The following FLNB variants were observed in gnomAD, a reference collection of about 807,000 sequenced individuals.
FLNB encodes filamin-B.
FLNB carries 111 observed loss-of-function variants against 250.6 expected under a neutral mutation model. That is an observed-to-expected ratio of 0.44 (90% CI 0.38 to 0.52). FLNB has a LOEUF of 0.52. FLNB is among the 20% of genes least tolerant of loss of function. The pLI, the probability that FLNB is intolerant of heterozygous loss-of-function variation, is 0.00. For synonymous variants in FLNB, 1,302 were observed against 1,372.1 expected (o/e 0.95, Z 1.13); for missense variants, 2,869 against 3,447.8 (o/e 0.83, Z 4.20).
At chr3:58,100,373 A>ATATATATATATATATAT (rs1553696152) in intron 8 of FLNB, among the ~76,000 whole-genome samples, 13 of 104,342 alleles carry the variant, frequency 1.2e-4, no homozygotes, top group Middle Eastern at 4.8e-3. Context: ...GTAAAAAAAA[A>ATATATATATATATATAT]ATATATATAT....
rs1033384816 is a variant in FLNB, at chr3:58,123,015, T to C, written c.3127-78T>C. Reference sequence around the variant, plus strand: ...GGCTCAGATGCACTTCCATGCTGATTATATGCATGGGTGTTGAAAGCAGTG... The same window carrying C: ...GGCTCAGATGCACTTCCATGCTGATCATATGCATGGGTGTTGAAAGCAGTG... On this transcript the variant is annotated intron_variant, in intron 20 of 45. Transcript: ENST00000295956. 15 of 1,289,972 alleles carry C rather than the reference T, an allele frequency of 1.2e-5. No individual in the cohort carries two copies. In the African/African-American group the frequency reaches 2.2e-4, roughly 19 times the overall value. 79.9% of individuals were successfully genotyped at this position (1,289,972 alleles called of 1,614,324 possible).
At chr3:58,081,834 T>G in intron 4 of FLNB, 58 bp downstream of exon 4, 1 of 1,580,850 alleles carries the variant, frequency 6.3e-7, no homozygotes, top group Non-Finnish European at 8.7e-7. Flanking sequence ...TTGGAGATGA[T>G]TTCATGGCTT....
At chr3:58,032,431 G>C (rs2097132338) in intron 1 of FLNB, among the ~76,000 whole-genome samples, 1 of 152,146 alleles carries the variant, frequency 6.6e-6, no homozygotes, top group South Asian at 2.1e-4. Context: ...TTGTGAACGT[G>C]GCAGACTTGG....
intron 41 of FLNB, among the ~76,000 whole-genome samples, chr3:58,157,004 G>A (rs1157551328): frequency 6.6e-6 from 1 of 152,146 alleles, no homozygotes; most frequent in African/African-American, 2.4e-5. Flanking sequence ...GCCAGAACCT[G>A]TGCCCTTAAC....
chr3:58,100,799 A>G (rs1435555770), intron 8 of FLNB, among the ~76,000 whole-genome samples: 2 of 151,262 alleles, frequency 1.3e-5, no homozygotes, highest in South Asian at 2.1e-4. Context: ...GGGTTTCACT[A>G]TGTTGGCCAG....
chr3:58,083,934 C>T (rs978486268), intron 4 of FLNB, among the ~76,000 whole-genome samples: 1 of 152,042 alleles, frequency 6.6e-6, no homozygotes, highest in Non-Finnish European at 1.5e-5. Context: ...GTGGCTCACA[C>T]CTGTAATCCT....
intron 24 of FLNB, among the ~76,000 whole-genome samples, chr3:58,127,789 G>A (rs2097300381): frequency 6.6e-6 from 1 of 152,100 alleles, no homozygotes; most frequent in Admixed American, 6.5e-5. Flanking sequence ...ATTTGTTTTG[G>A]GGGGAGGACT....
chr3:58,067,502 C>G (rs547781437), intron 1 of FLNB, among the ~76,000 whole-genome samples: 1 of 151,972 alleles, frequency 6.6e-6, no homozygotes, highest in Admixed American at 6.5e-5. Context: ...TTGAGATAGG[C>G]CCATGAGACT....
rs2097243572 is a variant in FLNB at position 58,098,694 on chromosome 3, T to A, written c.1148-17T>A. The A allele has an allele frequency of 6.2e-7, 1 of 1,613,754 alleles. No individual in the cohort carries two copies. The highest frequency in any genetic ancestry group is 8.5e-7 in the Non-Finnish European group (1 of 1,179,826). On this transcript the variant is annotated splice_polypyrimidine_tract_variant and intron_variant, in intron 7 of 45. Coordinates refer to ENST00000295956, the MANE Select transcript of FLNB (RefSeq NM_001457.4). ...GAGAGGGTGACTTGGGCTCATGGAATGCTTGCTTTCTTGTAGGAGCTGGTG... is the reference window on the plus strand; with the variant it reads ...GAGAGGGTGACTTGGGCTCATGGAAAGCTTGCTTTCTTGTAGGAGCTGGTG...
At chr3:58,084,425 G>A (rs757357308) in intron 4 of FLNB, among the ~76,000 whole-genome samples, 4 of 152,096 alleles carry the variant, frequency 2.6e-5, no homozygotes, top group Non-Finnish European at 4.4e-5. Flanking sequence ...ATGTGAGACG[G>A]TTTCCTTTCA....
Position 58,143,621 on chromosome 3 carries a change from G to A in FLNB, c.5425+8G>A, listed in dbSNP as rs183153325. ...TGGGCAGCCACATCCCTGGTAAGCT[G>A]AGTCAGCAGGCCCAGCAGGGCTCCA... On this transcript the variant is annotated splice_region_variant and intron_variant, in intron 32 of 45. Transcript: ENST00000295956. The A allele has an allele frequency of 6.2e-7, 1 of 1,613,704 alleles. No homozygotes were observed. The highest frequency in any genetic ancestry group is 2.2e-5 in the East Asian group (1 of 44,882).
chr3:58,071,479 G>C (rs2097194467), intron 1 of FLNB, among the ~76,000 whole-genome samples: 1 of 151,556 alleles, frequency 6.6e-6, no homozygotes, highest in African/African-American at 2.4e-5. Context: ...GGGTTTCACC[G>C]TGTTAGCCAG....
intron 1 of FLNB, among the ~76,000 whole-genome samples, chr3:58,030,137 G>C (rs917233738): frequency 6.6e-6 from 1 of 152,162 alleles, no homozygotes; most frequent in Non-Finnish European, 1.5e-5. Flanking sequence ...AATGGCACCA[G>C]GACACTCAGA....
intron 1 of FLNB, among the ~76,000 whole-genome samples, chr3:58,009,453 C>T (rs2097095228): frequency 6.6e-6 from 1 of 152,142 alleles, no homozygotes; most frequent in South Asian, 2.1e-4. Context: ...TGTGTGTCCT[C>T]GCTCTCTCTG....
chr3:58,094,206 A>G (rs2097233677), intron 4 of FLNB, among the ~76,000 whole-genome samples: 1 of 152,216 alleles, frequency 6.6e-6, no homozygotes, highest in South Asian at 2.1e-4. Context: ...CAGCCTCCCA[A>G]GTAGCTGGGA....
At chr3:58,124,595 T>G in intron 22 of FLNB, 90 bp downstream of exon 22, 1 of 1,385,928 alleles carries the variant, frequency 7.2e-7, no homozygotes, top group Non-Finnish European at 1.0e-6. Flanking sequence ...CTGCCCCATG[T>G]GCTAGGCCTG....
intron 8 of FLNB, among the ~76,000 whole-genome samples, chr3:58,100,094 G>A (rs377688993): frequency 6.6e-6 from 1 of 151,984 alleles, no homozygotes; most frequent in African/African-American, 2.4e-5. Flanking sequence ...TATTGTGACT[G>A]ACTTCTGGTA....
chr3:58,169,824 T>TGGGGG lies in FLNB; in HGVS notation c.7621+35_7621+36insGGGGG. 9 of 684,900 alleles carry TGGGGG rather than the reference T, an allele frequency of 1.3e-5. No individual in the cohort carries two copies. The highest frequency in any genetic ancestry group is 2.1e-5 in the Non-Finnish European group (8 of 387,952). The allele number at this position is 684,900 out of a possible 1,614,324, so 42.4% of individuals were successfully genotyped here. On this transcript the variant is annotated intron_variant, in intron 45 of 45. Coordinates refer to ENST00000295956, the MANE Select transcript of FLNB (RefSeq NM_001457.4). This position sits in a 1 kb window ranked among gnomAD's most constrained non-coding sequence, Gnocchi z 4.8. ...TGTCTGGGCCTTTTCAAGGGTGGGG[T>TGGGGG]GGGGCAGGGGCAGGCTGGGCACCCT... is the stretch of plus-strand genomic sequence containing the variant.
In FLNB at chr3:58,109,294, G is replaced by A. The variant is rs1314151389; in HGVS notation, c.2171G>A (p.Gly724Asp). 6.2e-7 allele frequency: 1 copy of A among 1,614,160 alleles called. No homozygotes were observed. The highest frequency in any genetic ancestry group is 8.5e-7 in the Non-Finnish European group (1 of 1,180,006). Residue 724 changes from glycine to aspartate, a missense_variant, in exon 14 of 46, where the codon GGC (glycine) becomes GAC (aspartate). Gly to Asp is a moderately conservative substitution (Grantham distance 94). Around this residue, in one of 5 missense-constraint regions of FLNB, gnomAD observed 1,348 missense variants for 1,466.7 expected, o/e 0.92. Coordinates refer to ENST00000295956, the MANE Select transcript of FLNB (RefSeq NM_001457.4). ...CACACCATTGCTGTGGTCTGGGGAG[G>A]CGTGAACATCCCGCACAGCCCCTAC... ...IKHTIAVVWG[G>D]VNIPHSPYRV... is the part of the protein sequence containing the mutation.
Sources: allele counts gnomAD v4.1 joint callset (sites outside exome capture counted in the v4.1 genomes callset), GRCh38; gene constraint gnomAD v4.1.1; regional missense constraint gnomAD v4.1.1; non-coding constraint Gnocchi (gnomAD v3.1); transcripts MANE v1.5; gene names NCBI Gene and HGNC (gene_info 2026-07-23, HGNC 2026-07-21).